Variants in CMTM3 observed in about 807,000 individuals in gnomAD.
CMTM3 encodes the protein CKLF-like MARVEL transmembrane domain-containing protein 3.
Under a neutral mutation model 18.2 loss-of-function variants are expected in CMTM3, and 7 were observed. The ratio of observed to expected loss-of-function variants is 0.38; its 90% CI spans 0.22 to 0.72. The LOEUF is 0.72. Ranked by LOEUF, CMTM3 falls within the 30% of genes least tolerant of loss-of-function variation. The probability of loss-of-function intolerance (pLI) is 0.46; values close to 1 mark genes in which losing one functional copy is unlikely to be tolerated. For missense variants in CMTM3, 227 were observed against 249.2 expected (o/e 0.91, Z 0.60); for synonymous variants, 109 against 111.2 (o/e 0.98, Z 0.12).
rs201534476 is a variant in CMTM3 at position 66,609,483 on chromosome 16, A to G, written c.352A>G (p.Ile118Val). ...GGCCCTCATCTACTTTGCTATCTCC[A>G]TCACGGCCATCGCCAAGTACTCGGA... ...TAALIYFAIS[I>V]TAIAKYSDGA... is the part of the protein sequence containing the mutation. The change falls in exon 3 of 5, where the codon ATC becomes GTC. Residue 118 changes from isoleucine to valine, a missense_variant. Coordinates refer to ENST00000567572, the MANE Select transcript of CMTM3 (RefSeq NM_181553.4). This position sits in a 1 kb window ranked among gnomAD's most constrained non-coding sequence, Gnocchi z 4.4. 12 of 1,611,706 alleles carry G rather than the reference A, an allele frequency of 7.4e-6. No individual in the cohort carries two copies. In the South Asian group the frequency reaches 1.1e-4, roughly 15 times the overall value.
Position 66,609,467 on chromosome 16 carries a change from CT to C in CMTM3, c.337del (p.Tyr113ThrfsTer37). The stretch of plus-strand genomic sequence containing the variant: ...TGCGCTGTGTCACCGCGGCCCTCAT[CT>C]ACTTTGCTATCTCCATCACGGCCAT... ...FLRCVTAALI[Y>X]FAISITAIAK... On this transcript the variant is annotated frameshift_variant, in exon 3 of 5. Coordinates refer to ENST00000567572, the MANE Select transcript of CMTM3 (RefSeq NM_181553.4). LOFTEE classifies it high-confidence loss of function. This position sits in a 1 kb window ranked among gnomAD's most constrained non-coding sequence, Gnocchi z 4.4. 1 of 1,613,030 alleles carries C rather than the reference CT, an allele frequency of 6.2e-7. No individual in the cohort carries two copies. The highest frequency in any genetic ancestry group is 8.5e-7 in the Non-Finnish European group (1 of 1,179,634).
Position 66,608,670 on chromosome 16 carries a change from A to G in CMTM3, c.303+206A>G, listed in dbSNP as rs943582666. 2.0e-5 allele frequency among the ~76,000 whole-genome samples: 3 copies of G among 152,188 alleles called. No individual in the cohort carries two copies. Among genetic ancestry groups the G allele is most frequent in the Admixed American group, 2.0e-4 (3 of 15,290 alleles). ...ACCTCAAGTGGGCTGTGGTGCCTCTAGAGCAGGTCTGTGAGGCAGGGAACC... is the reference window on the plus strand; with the variant it reads ...ACCTCAAGTGGGCTGTGGTGCCTCTGGAGCAGGTCTGTGAGGCAGGGAACC... On this transcript the variant is annotated intron_variant, in intron 2 of 4. Transcript: ENST00000567572. The surrounding 1 kb of genome is among the most constrained non-coding windows in gnomAD (Gnocchi z 5.1).
chr16:66,605,174 G>A lies in CMTM3; in HGVS notation c.147+222G>A, dbSNP rs933345516. 7.1e-5 allele frequency: 30 copies of A among 423,086 alleles called. 1 individual carries two copies. Among genetic ancestry groups the A allele is most frequent in the Non-Finnish European group, 1.1e-4 (26 of 239,564 alleles). The allele number at this position is 423,086 out of a possible 1,614,324, so 26.2% of individuals were successfully genotyped here. On this transcript the variant is annotated intron_variant, in intron 1 of 4. Coordinates refer to ENST00000567572, the MANE Select transcript of CMTM3 (RefSeq NM_181553.4). This position sits in a 1 kb window ranked among gnomAD's most constrained non-coding sequence, Gnocchi z 4.6. ...CCGAGCCCAGGCCATCCGCGGCGCT[G>A]TCCCCGCGAGTCCAGAGCTGGGGGC...
rs973182033 is a variant in CMTM3, at chr16:66,608,651, A to G, written c.303+187A>G. On this transcript the variant is annotated intron_variant, in intron 2 of 4. Transcript: ENST00000567572. The surrounding 1 kb of genome is among the most constrained non-coding windows in gnomAD (Gnocchi z 5.1). ...ACTACTCAGCAGCCCTGTGACCTCAAGTGGGCTGTGGTGCCTCTAGAGCAG... is the reference window on the plus strand; with the variant it reads ...ACTACTCAGCAGCCCTGTGACCTCAGGTGGGCTGTGGTGCCTCTAGAGCAG... 6.6e-6 allele frequency among the ~76,000 whole-genome samples: 1 copy of G among 152,170 alleles called. No homozygotes were observed. Among genetic ancestry groups the G allele is most frequent in the East Asian group, 1.9e-4 (1 of 5,198 alleles).
In CMTM3 at chr16:66,609,475, C is replaced by G. The variant is rs764254878; in HGVS notation, c.344C>G (p.Ala115Gly). 6.2e-7 allele frequency: 1 copy of G among 1,612,796 alleles called. No individual in the cohort carries two copies. Among genetic ancestry groups the G allele is most frequent in the East Asian group, 2.2e-5 (1 of 44,872 alleles). ...RCVTAALIYF[A>G]ISITAIAKYS... ...GTCACCGCGGCCCTCATCTACTTTG[C>G]TATCTCCATCACGGCCATCGCCAAG... The change falls in exon 3 of 5, where the codon GCT becomes GGT. Residue 115 changes from alanine (A) to glycine (G), a missense_variant. Coordinates refer to ENST00000567572, the MANE Select transcript of CMTM3 (RefSeq NM_181553.4). This position sits in a 1 kb window ranked among gnomAD's most constrained non-coding sequence, Gnocchi z 4.4.
chr16:66,613,655 TGGACCCATG>T lies in CMTM3; in HGVS notation c.*1019_*1027del, dbSNP rs1325738798. 1 of 153,348 alleles carries T rather than the reference TGGACCCATG, an allele frequency of 6.5e-6. No homozygotes were observed. Among genetic ancestry groups the T allele is most frequent in the African/African-American group, 2.4e-5 (1 of 41,482 alleles). The allele number at this position is 153,348 out of a possible 1,614,324, so 9.5% of individuals were successfully genotyped here. A position where few individuals can be genotyped will look rare whatever the true frequency, so the allele number is the denominator to read the frequency against. On this transcript the variant is annotated 3_prime_UTR_variant, in exon 5 of 5. Transcript: ENST00000567572. ...AGGCCTCACAAAAGAGCCAGAGTTC[TGGACCCATG>T]TTTGGAGCATTTGTAGCCTTATTCT... is the stretch of plus-strand genomic sequence containing the variant.
Position 66,609,313 on chromosome 16 carries a change from G to T in CMTM3, c.304-122G>T. On this transcript the variant is annotated intron_variant, in intron 2 of 4. Coordinates refer to ENST00000567572, the MANE Select transcript of CMTM3 (RefSeq NM_181553.4). This position sits in a 1 kb window ranked among gnomAD's most constrained non-coding sequence, Gnocchi z 4.4. ...GGGCCTAGGCATGTGGGTGGGGCCAGGATGGGATAGGAGCCCTCAGGTGCT... is the reference window on the plus strand; with the variant it reads ...GGGCCTAGGCATGTGGGTGGGGCCATGATGGGATAGGAGCCCTCAGGTGCT... 1.2e-6 allele frequency: 1 copy of T among 802,684 alleles called. No homozygotes were observed. Among genetic ancestry groups the T allele is most frequent in the South Asian group, 1.6e-5 (1 of 61,482 alleles). 49.7% of individuals were successfully genotyped at this position (802,684 alleles called of 1,614,324 possible).
Position 66,604,714 on chromosome 16 carries a change from G to T in CMTM3, c.-92G>T, listed in dbSNP as rs1007588060. On this transcript the variant is annotated 5_prime_UTR_variant, in exon 1 of 5. Transcript: ENST00000567572. ...GCCCCTGCGCGAGCCAGTGTCGCCT[G>T]CCCTCCTTCCGCACAGCCCGGGTTT... 2.9e-6 allele frequency: 3 copies of T among 1,018,674 alleles called. No homozygotes were observed. Among genetic ancestry groups the T allele is most frequent in the Non-Finnish European group, 3.7e-6 (3 of 801,660 alleles). 63.1% of individuals were successfully genotyped at this position (1,018,674 alleles called of 1,614,324 possible).
chr16:66,606,866 G>A lies in CMTM3; in HGVS notation c.148-1443G>A, dbSNP rs78858312. 5.5e-3 allele frequency among the ~76,000 whole-genome samples: 843 copies of A among 152,276 alleles called. 23 individuals are homozygous for A. The East Asian group carries it at 0.075, about 14-fold the overall frequency. On this transcript the variant is annotated intron_variant, in intron 1 of 4. Transcript: ENST00000567572. ...AAATTAGCTGGGTTTGGTGGCGGGCGCCTGTAATCCCAGCTACTCGGGAAG... is the reference window on the plus strand; with the variant it reads ...AAATTAGCTGGGTTTGGTGGCGGGCACCTGTAATCCCAGCTACTCGGGAAG...
rs2015239520 is a variant in CMTM3, at chr16:66,608,350, A to G, written c.189A>G (p.Ser63=). 6.2e-7 allele frequency: 1 copy of G among 1,614,204 alleles called. No homozygotes were observed. The change falls in exon 2 of 5, where the codon TCA becomes TCG. Residue 63 remains serine, a synonymous_variant. Transcript: ENST00000567572. This position sits in a 1 kb window ranked among gnomAD's most constrained non-coding sequence, Gnocchi z 5.1. ...CTTTTATCTGCTATGTGGCGTCCTCAGCATCTGCCTTCCTCACAGCGCCTC... is the reference window on the plus strand; with the variant it reads ...CTTTTATCTGCTATGTGGCGTCCTCGGCATCTGCCTTCCTCACAGCGCCTC... ...FITFICYVAS[S]ASAFLTAPLL...
Position 66,604,815 on chromosome 16 carries a change from C to T in CMTM3, c.10C>T (p.Pro4Ser), listed in dbSNP as rs1597202257. Residue 4 changes from proline to serine, a missense_variant, in exon 1 of 5, where the codon CCA becomes TCA. Coordinates refer to ENST00000567572, the MANE Select transcript of CMTM3 (RefSeq NM_181553.4). Reference protein sequence around the residue: MWPPDPDPDPDPEP... With the variant: MWPSDPDPDPDPEP... ...TACCGCCGCCGCCGCCATGTGGCCCCCAGACCCCGACCCCGACCCGGACCC... is the reference window on the plus strand; with the variant it reads ...TACCGCCGCCGCCGCCATGTGGCCCTCAGACCCCGACCCCGACCCGGACCC... The T allele has an allele frequency of 7.8e-6, 10 of 1,281,870 alleles. No homozygotes were observed. The East Asian group carries it at 3.2e-4, about 41-fold the overall frequency. 79.4% of individuals were successfully genotyped at this position (1,281,870 alleles called of 1,614,324 possible).
rs1160051165 is a variant in CMTM3, at chr16:66,609,468, T to A, written c.337T>A (p.Tyr113Asn). The A allele has an allele frequency of 6.2e-7, 1 of 1,612,892 alleles. No individual in the cohort carries two copies. Among genetic ancestry groups the A allele is most frequent in the East Asian group, 2.2e-5 (1 of 44,886 alleles). Residue 113 changes from tyrosine to asparagine, a missense_variant, in exon 3 of 5, where the codon TAC becomes AAC. Physicochemically the swap from Tyr to Asn is moderately radical, Grantham distance 143. Coordinates refer to ENST00000567572, the MANE Select transcript of CMTM3 (RefSeq NM_181553.4). This position sits in a 1 kb window ranked among gnomAD's most constrained non-coding sequence, Gnocchi z 4.4. ...GCGCTGTGTCACCGCGGCCCTCATC[T>A]ACTTTGCTATCTCCATCACGGCCAT... ...FLRCVTAALI[Y>N]FAISITAIAK...
chr16:66,610,603 A>G lies in CMTM3; in HGVS notation c.520+600A>G, dbSNP rs2015339844. Among the ~76,000 whole-genome samples, 1 of 152,108 alleles carries G rather than the reference A, an allele frequency of 6.6e-6. No individual in the cohort carries two copies. Among genetic ancestry groups the G allele is most frequent in the Non-Finnish European group, 1.5e-5 (1 of 68,006 alleles). On this transcript the variant is annotated intron_variant, in intron 4 of 4. Coordinates refer to ENST00000567572, the MANE Select transcript of CMTM3 (RefSeq NM_181553.4). The surrounding 1 kb of genome is among the most constrained non-coding windows in gnomAD (Gnocchi z 4.6). ...GCTGGGTACTGACAGATGGCAGTAG[A>G]GGAGTGTGCAGGCAGAAGAGACCAG...
Position 66,609,994 on chromosome 16 carries a change from A to C in CMTM3, c.511A>C (p.Lys171Gln). 1 of 1,614,162 alleles carries C rather than the reference A, an allele frequency of 6.2e-7. No homozygotes were observed. The highest frequency in any genetic ancestry group is 8.5e-7 in the Non-Finnish European group (1 of 1,180,020). ...CTCTGCAGATGAGACCACAGCCCAC[A>C]AGACAGAAGGTAAGCGGCTGCCCTG... is the stretch of plus-strand genomic sequence containing the variant. ...GDSADETTAHKTEEENSDSDS... is the reference protein window; with the variant it reads ...GDSADETTAHQTEEENSDSDS... Residue 171 changes from lysine (K) to glutamine (Q), a missense_variant, in exon 4 of 5, where the codon AAG becomes CAG. Lys to Gln is a moderately conservative substitution (Grantham distance 53). Coordinates refer to ENST00000567572, the MANE Select transcript of CMTM3 (RefSeq NM_181553.4). The surrounding 1 kb of genome is among the most constrained non-coding windows in gnomAD (Gnocchi z 4.4).
At position 66,605,901 on chromosome 16, in the gene CMTM3, C is replaced by G. The variant is rs2015132874; in HGVS notation, c.147+949C>G. 6.6e-6 allele frequency among the ~76,000 whole-genome samples: 1 copy of G among 152,068 alleles called. No individual in the cohort carries two copies. Among genetic ancestry groups the G allele is most frequent in the Admixed American group, 6.5e-5 (1 of 15,268 alleles). Reference sequence around the variant, plus strand: ...CACGGTCAGCCCAGAGGCCACCTGCCCAACGCCCAAGTGAGACACCAATGC... The same window carrying G: ...CACGGTCAGCCCAGAGGCCACCTGCGCAACGCCCAAGTGAGACACCAATGC... On this transcript the variant is annotated intron_variant, in intron 1 of 4. Coordinates refer to ENST00000567572, the MANE Select transcript of CMTM3 (RefSeq NM_181553.4). This position sits in a 1 kb window ranked among gnomAD's most constrained non-coding sequence, Gnocchi z 4.6.
At chr16:66,606,306 G>A (rs2015151056) in intron 1 of CMTM3, among the ~76,000 whole-genome samples, 1 of 152,152 alleles carries the variant, frequency 6.6e-6, no homozygotes, top group African/African-American at 2.4e-5. Flanking sequence ...CAGGAATTGA[G>A]AGGGGAATCC....
At position 66,610,372 on chromosome 16, in the gene CMTM3, C is replaced by G. The variant is rs1437611172; in HGVS notation, c.520+369C>G. Among the ~76,000 whole-genome samples the G allele has an allele frequency of 1.3e-5, 2 of 152,154 alleles. No individual in the cohort carries two copies. The highest frequency in any genetic ancestry group is 1.9e-4 in the East Asian group (1 of 5,182). On this transcript the variant is annotated intron_variant, in intron 4 of 4. Transcript: ENST00000567572. This position sits in a 1 kb window ranked among gnomAD's most constrained non-coding sequence, Gnocchi z 4.6. ...CCTCTGCTGTCTTACCCATCCAGGC[C>G]TGTCCTGGGAAGCTCAGAGCCCAGA...
rs779794941 is a variant in CMTM3, at chr16:66,609,930, G to C, written c.447G>C (p.Leu149=). 1.2e-5 allele frequency: 20 copies of C among 1,614,030 alleles called. No individual in the cohort carries two copies. The Admixed American group carries it at 2.0e-4, about 16-fold the overall frequency. The change falls in exon 4 of 5, where the codon CTG becomes CTC. Residue 149 remains leucine, a synonymous_variant. Transcript: ENST00000567572. The surrounding 1 kb of genome is among the most constrained non-coding windows in gnomAD (Gnocchi z 4.4). ...ATIVFATDFY[L]IFNDVAKFLK... ...TCGTGTTTGCAACTGATTTCTACCT[G>C]ATCTTTAACGACGTGGCCAAATTCC...
rs2015441094 is a variant in CMTM3, at chr16:66,613,013, TTCAC to T, written c.*378_*381del. On this transcript the variant is annotated 3_prime_UTR_variant, in exon 5 of 5. Transcript: ENST00000567572. ...GTGGCGGGGGTCGGGGGTCTTCTGT[TTCAC>T]TAACAGGAACAAAGACAGAAACCAT... 1.4e-6 allele frequency: 1 copy of T among 702,000 alleles called. No individual in the cohort carries two copies. 43.5% of individuals were successfully genotyped at this position (702,000 alleles called of 1,614,324 possible). A position where few individuals can be genotyped will look rare whatever the true frequency, so the allele number is the denominator to read the frequency against.
Sources: allele counts gnomAD v4.1 joint callset (sites outside exome capture counted in the v4.1 genomes callset), GRCh38; gene constraint gnomAD v4.1.1; non-coding constraint Gnocchi (gnomAD v3.1); transcripts MANE v1.5; gene names NCBI Gene and HGNC (gene_info 2026-07-23, HGNC 2026-07-21).